LRRTM4: variants seen among roughly 807,000 people sequenced by gnomAD.
LRRTM4 encodes leucine-rich repeat transmembrane neuronal protein 4.
A neutral mutation model predicts 47.6 loss-of-function variants in LRRTM4; 25 were observed. The observed-to-expected ratio is 0.53, with a 90% CI of 0.38 to 0.73. LRRTM4 has a LOEUF of 0.73. LRRTM4 is among the 30% of genes least tolerant of loss of function. LRRTM4 has a pLI of 0.00. For synonymous variants in LRRTM4, 311 were observed against 269.5 expected (o/e 1.15, Z -1.51); for missense variants, 638 against 713.4 (o/e 0.89, Z 1.20).
chr2:76,997,372 A>G (rs1558786771), intron 3 of LRRTM4, among the ~76,000 whole-genome samples: 1 of 152,052 alleles, frequency 6.6e-6, no homozygotes, highest in Non-Finnish European at 1.5e-5. Context: ...TGATGATTTA[A>G]AAATCTCTTA....
intron 3 of LRRTM4, among the ~76,000 whole-genome samples, chr2:77,266,486 C>T: frequency 6.6e-6 from 1 of 151,766 alleles, no homozygotes; most frequent in East Asian, 1.9e-4. Context: ...GAACAAAGAG[C>T]AGATATCAGA....
chr2:77,484,634 T>C (rs1677842169), intron 3 of LRRTM4, among the ~76,000 whole-genome samples: 1 of 152,212 alleles, frequency 6.6e-6, no homozygotes, highest in African/African-American at 2.4e-5. Context: ...TGCATAATTA[T>C]GGTTATATCA....
At chr2:77,251,756 C>T (rs977679405) in intron 3 of LRRTM4, among the ~76,000 whole-genome samples, 6 of 152,152 alleles carry the variant, frequency 3.9e-5, no homozygotes, top group Non-Finnish European at 8.8e-5. Context: ...ACCCACTATA[C>T]TCTGTGACTG....
intron 3 of LRRTM4, among the ~76,000 whole-genome samples, chr2:77,462,323 T>C (rs915449208): frequency 2.6e-5 from 4 of 152,144 alleles, no homozygotes; most frequent in Non-Finnish European, 5.9e-5. Context: ...GGAATTATTA[T>C]TGTTGCTAAC....
intron 3 of LRRTM4, among the ~76,000 whole-genome samples, chr2:77,022,526 G>A (rs551375343): frequency 1.0e-3 from 156 of 152,198 alleles, no homozygotes; most frequent in Non-Finnish European, 1.4e-3. Flanking sequence ...CTGTAAAATC[G>A]AAAGCAAGCT....
chr2:77,086,146 T>C (rs1680703340), intron 3 of LRRTM4, among the ~76,000 whole-genome samples: 2 of 152,124 alleles, frequency 1.3e-5, no homozygotes, highest in Non-Finnish European at 2.9e-5. Context: ...TCATAGAACA[T>C]TTTAATGTGC....
chr2:76,856,069 G>C (rs1672140525), intron 3 of LRRTM4, among the ~76,000 whole-genome samples: 1 of 152,136 alleles, frequency 6.6e-6, no homozygotes, highest in Non-Finnish European at 1.5e-5. Context: ...CTGAGGTCAG[G>C]AGTTTGAGAC....
intron 3 of LRRTM4, among the ~76,000 whole-genome samples, chr2:77,422,067 C>T (rs151063999): frequency 6.6e-6 from 1 of 152,200 alleles, no homozygotes; most frequent in East Asian, 1.9e-4. Flanking sequence ...AGAGCTTATG[C>T]CTGTGGTAGG....
chr2:76,923,181 TA>T (rs780506108), intron 3 of LRRTM4, among the ~76,000 whole-genome samples: 307 of 152,172 alleles, frequency 2.0e-3, no homozygotes, highest in Non-Finnish European at 3.6e-3. Flanking sequence ...TAAAAAGAGA[TA>T]GGTTTTAACT....
chr2:77,320,609 C>A (rs564864280), intron 3 of LRRTM4, among the ~76,000 whole-genome samples: 1 of 151,750 alleles, frequency 6.6e-6, no homozygotes, highest in African/African-American at 2.4e-5. Flanking sequence ...GAAATGGAGG[C>A]CAGAACCAAA....
chr2:76,860,272 A>C (rs1672274537), intron 3 of LRRTM4, among the ~76,000 whole-genome samples: 1 of 152,166 alleles, frequency 6.6e-6, no homozygotes, highest in African/African-American at 2.4e-5. Flanking sequence ...AGCTCTTGGA[A>C]GATATTTAGA....
chr2:77,113,147 G>T (rs1268937096), intron 3 of LRRTM4, among the ~76,000 whole-genome samples: 1 of 152,022 alleles, frequency 6.6e-6, no homozygotes, highest in African/African-American at 2.4e-5. Flanking sequence ...AGAAGTCATC[G>T]GAGCCTGTGA....
chr2:77,140,478 G>A lies in LRRTM4; in HGVS notation c.1551+377840C>T, dbSNP rs1350424382. Among the ~76,000 whole-genome samples the A allele has an allele frequency of 2.6e-5, 4 of 152,280 alleles. No homozygotes were observed. The East Asian group carries it at 7.7e-4, about 29-fold the overall frequency. ...ACACCTTATACAAAAATTAATTCAAGATGGATTAAAGACTTACATGTTACA... is the reference window on the plus strand; with the variant it reads ...ACACCTTATACAAAAATTAATTCAAAATGGATTAAAGACTTACATGTTACA... On this transcript the variant is annotated intron_variant, in intron 3 of 3. Coordinates refer to ENST00000409884, the MANE Select transcript of LRRTM4 (RefSeq NM_001134745.3).
At chr2:77,339,608 A>G (rs572071131) in intron 3 of LRRTM4, among the ~76,000 whole-genome samples, 1 of 152,090 alleles carries the variant, frequency 6.6e-6, no homozygotes, top group Admixed American at 6.6e-5. Context: ...AGTGGTGAAG[A>G]CCATACAGCT....
At chr2:76,820,409 T>G (rs1671019978) in intron 3 of LRRTM4, among the ~76,000 whole-genome samples, 1 of 151,764 alleles carries the variant, frequency 6.6e-6, no homozygotes, top group African/African-American at 2.4e-5. Context: ...TTAGTAGGAT[T>G]AGAGAATAAT....
chr2:76,874,611 GT>G (rs909456637), intron 3 of LRRTM4, among the ~76,000 whole-genome samples: 18 of 147,946 alleles, frequency 1.2e-4, no homozygotes, highest in African/African-American at 4.0e-4. Flanking sequence ...TATTTAGAAA[GT>G]TTTTTTTTTA....
intron 3 of LRRTM4, among the ~76,000 whole-genome samples, chr2:76,785,242 T>G (rs888437467): frequency 4.6e-5 from 7 of 152,172 alleles, no homozygotes; most frequent in Admixed American, 4.6e-4. Flanking sequence ...TTTGCAGTAC[T>G]TGTATTGAGA....
At chr2:76,926,076 T>G (rs766085372) in intron 3 of LRRTM4, among the ~76,000 whole-genome samples, 8 of 152,082 alleles carry the variant, frequency 5.3e-5, no homozygotes, top group Middle Eastern at 3.2e-3. Flanking sequence ...CATTTAGGAG[T>G]TTGTTACTCT....
chr2:77,079,495 T>G (rs1229070067), intron 3 of LRRTM4, among the ~76,000 whole-genome samples: 1 of 152,216 alleles, frequency 6.6e-6, no homozygotes, highest in Non-Finnish European at 1.5e-5. Flanking sequence ...CACAAACGTA[T>G]AAACTTTCTT....
Sources: allele counts gnomAD v4.1 joint callset (sites outside exome capture counted in the v4.1 genomes callset), GRCh38; gene constraint gnomAD v4.1.1; transcripts MANE v1.5; gene names NCBI Gene and HGNC (gene_info 2026-07-23, HGNC 2026-07-21).